DCDC1: variants seen among roughly 807,000 people sequenced by gnomAD.
DCDC1 encodes the protein doublecortin domain-containing protein 1.
DCDC1 carries 200 observed loss-of-function variants against 178.3 expected under a neutral mutation model. That is an observed-to-expected ratio of 1.12 (90% confidence interval 1.00 to 1.26). DCDC1 has a LOEUF of 1.26. DCDC1 is among the 50% of genes most tolerant of loss of function. The pLI is 0.00. For synonymous variants in DCDC1, 690 were observed against 604.8 expected (o/e 1.14, Z -2.07); for missense variants, 1,983 against 1,749.2 (o/e 1.13, Z -2.38).
chr11:31,091,664 C>G (rs1444091202), intron 16 of DCDC1, among the ~76,000 whole-genome samples, 153 bp from the exon 17 acceptor site: 1 of 152,136 alleles, frequency 6.6e-6, no homozygotes, highest in Non-Finnish European at 1.5e-5. Context: ...ACTTAGCAGT[C>G]AGCGAGCCCT....
chr11:31,196,085 G>C (rs1970657262), intron 9 of DCDC1, among the ~76,000 whole-genome samples: 1 of 151,896 alleles, frequency 6.6e-6, no homozygotes, highest in Non-Finnish European at 1.5e-5. Context: ...AGAGCCTAAA[G>C]AGCTCTCAAC....
In DCDC1 at chr11:31,322,556, T is replaced by A. The variant is rs370116247; in HGVS notation, c.164+5561A>T. On this transcript the variant is annotated intron_variant, in intron 3 of 38. Transcript: ENST00000684477. ...TTTGGCCAATGAGACATAAAAAATCTTTTACAGAAAGGTTATTTGCCCTAA... is the reference window on the plus strand; with the variant it reads ...TTTGGCCAATGAGACATAAAAAATCATTTACAGAAAGGTTATTTGCCCTAA... 2.0e-4 allele frequency among the ~76,000 whole-genome samples: 31 copies of A among 152,292 alleles called. No homozygotes were observed. The East Asian group carries it at 3.9e-3, about 19-fold the overall frequency.
chr11:31,031,324 C>A (rs531845209), intron 20 of DCDC1, among the ~76,000 whole-genome samples: 1 of 152,036 alleles, frequency 6.6e-6, no homozygotes, highest in East Asian at 1.9e-4. Context: ...AAATCCATAT[C>A]ATTGTGCTTT....
intron 2 of DCDC1, among the ~76,000 whole-genome samples, chr11:31,331,144 T>C (rs1159081590): frequency 6.6e-6 from 1 of 152,234 alleles, no homozygotes. Context: ...TTATTCTCTT[T>C]GTAGCAATTG....
chr11:31,161,489 G>A (rs528950986), intron 9 of DCDC1, among the ~76,000 whole-genome samples: 33 of 152,128 alleles, frequency 2.2e-4, no homozygotes, highest in Non-Finnish European at 4.0e-4. Flanking sequence ...ACAGATCTTT[G>A]TTGAATGGCT....
chr11:31,191,689 T>C (rs774391550), intron 9 of DCDC1, among the ~76,000 whole-genome samples: 1 of 151,950 alleles, frequency 6.6e-6, no homozygotes. Context: ...GTGATGTCCA[T>C]GGAGGGTTGG....
At chr11:31,199,611 T>C (rs886371036) in intron 9 of DCDC1, among the ~76,000 whole-genome samples, 18 of 152,116 alleles carry the variant, frequency 1.2e-4, no homozygotes, top group Non-Finnish European at 2.1e-4. Flanking sequence ...GACATCTGTG[T>C]CTTACAAGAA....
chr11:31,334,444 T>C (rs527767699), intron 2 of DCDC1, among the ~76,000 whole-genome samples: 3 of 152,332 alleles, frequency 2.0e-5, no homozygotes, highest in African/African-American at 7.2e-5. Context: ...CTGCGATGCT[T>C]TGGAGGAGAA....
At chr11:31,011,039 T>C (rs1952136645) in intron 20 of DCDC1, among the ~76,000 whole-genome samples, 1 of 152,166 alleles carries the variant, frequency 6.6e-6, no homozygotes, top group African/African-American at 2.4e-5. Flanking sequence ...ATATGATATA[T>C]GACAGAGGTG....
chr11:31,160,038 T>C (rs1307212073), intron 9 of DCDC1, among the ~76,000 whole-genome samples: 1 of 152,180 alleles, frequency 6.6e-6, no homozygotes, highest in African/African-American at 2.4e-5. Context: ...TTACTTTCCA[T>C]AAAATTTTAG....
intron 8 of DCDC1, among the ~76,000 whole-genome samples, chr11:31,242,652 A>G (rs1977304286): frequency 6.6e-6 from 1 of 151,946 alleles, no homozygotes; most frequent in Non-Finnish European, 1.5e-5. Context: ...CAAAGAAAAT[A>G]GGTCATGCCG....
intron 6 of DCDC1, among the ~76,000 whole-genome samples, chr11:31,291,146 T>C (rs1312765948): frequency 6.6e-6 from 1 of 152,088 alleles, no homozygotes; most frequent in Non-Finnish European, 1.5e-5. Context: ...CCTGCCTCTA[T>C]TACTGATTAA....
At chr11:31,193,968 G>A (rs1340763374) in intron 9 of DCDC1, among the ~76,000 whole-genome samples, 1 of 152,082 alleles carries the variant, frequency 6.6e-6, no homozygotes, top group African/African-American at 2.4e-5. Flanking sequence ...GTGGACAGAA[G>A]TTCAGATTCG....
At chr11:31,274,371 T>C (rs982697243) in intron 7 of DCDC1, among the ~76,000 whole-genome samples, 3 of 152,176 alleles carry the variant, frequency 2.0e-5, no homozygotes, top group African/African-American at 7.2e-5. Flanking sequence ...AGCCAGGTTC[T>C]TGTTCTCATG....
At chr11:31,026,586 A>G (rs1471637858) in intron 20 of DCDC1, among the ~76,000 whole-genome samples, 1 of 151,854 alleles carries the variant, frequency 6.6e-6, no homozygotes, top group Non-Finnish European at 1.5e-5. Flanking sequence ...CCATGACAAT[A>G]GTAATTTTGA....
intron 25 of DCDC1, among the ~76,000 whole-genome samples, chr11:30,919,714 C>A (rs1426646805): frequency 6.6e-6 from 1 of 151,898 alleles, no homozygotes; most frequent in Non-Finnish European, 1.5e-5. Flanking sequence ...AAGTTTGGTT[C>A]CTAAAATAAA....
intron 6 of DCDC1, among the ~76,000 whole-genome samples, chr11:31,295,497 C>T (rs968672116): frequency 1.3e-5 from 2 of 152,100 alleles, no homozygotes; most frequent in African/African-American, 4.8e-5. Context: ...GAAACCTAGT[C>T]AGGAAATGCC....
chr11:31,183,465 G>A (rs1347442943), intron 9 of DCDC1, among the ~76,000 whole-genome samples: 4 of 152,134 alleles, frequency 2.6e-5, no homozygotes. Flanking sequence ...CAACTACATG[G>A]AAACTGAACA....
At chr11:31,116,500 C>T (rs1273704330) in intron 11 of DCDC1, among the ~76,000 whole-genome samples, 1 of 151,886 alleles carries the variant, frequency 6.6e-6, no homozygotes, top group African/African-American at 2.4e-5. Flanking sequence ...AATACATGTA[C>T]TACTTTTTCC....
Sources: gnomAD v4.1 joint callset for allele counts (sites outside exome capture counted in the v4.1 genomes callset) on GRCh38, gnomAD v4.1.1 for gene constraint, MANE v1.5 for transcripts, NCBI Gene and HGNC (gene_info 2026-07-23, HGNC 2026-07-21) for gene names.